Variants in JMJD7 observed in about 807,000 individuals in gnomAD.
JMJD7 encodes the protein bifunctional peptidase and (3S)-lysyl hydroxylase JMJD7.
JMJD7 carries 41 observed loss-of-function variants against 41.1 expected under a neutral mutation model. That is an observed-to-expected ratio of 1.00 (90% CI 0.78 to 1.30). The LOEUF (loss-of-function observed/expected upper bound fraction) is 1.30, where lower values mean the gene tolerates loss of function less well. Among genes scored for constraint, JMJD7 ranks in the 50% most tolerant of loss-of-function variants. The probability of loss-of-function intolerance (pLI) is 0.00; values close to 1 mark genes in which losing one functional copy is unlikely to be tolerated. For synonymous variants in JMJD7, 202 were observed against 177.2 expected (o/e 1.14, Z -1.11); for missense variants, 480 against 420.7 (o/e 1.14, Z -1.23).
Position 41,837,550 on chromosome 15 carries a change from C to A in JMJD7, c.*394C>A. 1 of 209,944 alleles carries A rather than the reference C, an allele frequency of 4.8e-6. No individual in the cohort carries two copies. The highest frequency in any genetic ancestry group is 9.4e-6 in the Non-Finnish European group (1 of 106,522). 13.0% of individuals were successfully genotyped at this position (209,944 alleles called of 1,614,324 possible). The stretch of plus-strand genomic sequence containing the variant: ...TATGAGGACCAGCATGGAGCTGGCA[C>A]ACAGGACATGTTGAATAAAAGGTAG... On this transcript the variant is annotated 3_prime_UTR_variant, in exon 8 of 8. Transcript: ENST00000397299.
Position 41,837,111 on chromosome 15 carries a change from C to T in JMJD7, c.906C>T (p.Tyr302=). The change falls in exon 8 of 8, where the codon TAC becomes TAT. Residue 302 remains tyrosine, a synonymous_variant. Transcript: ENST00000397299. ...YDMEYDLKYS[Y]FQLLDSLTKA... ...TGGAATACGACCTCAAGTATAGTTA[C>T]TTCCAGCTGCTCGACTCCCTCACCA... The T allele has an allele frequency of 1.2e-6, 2 of 1,613,708 alleles. No individual in the cohort carries two copies. Among genetic ancestry groups the T allele is most frequent in the Non-Finnish European group, 8.5e-7 (1 of 1,179,760 alleles).
intron 1 of JMJD7, chr15:41,829,354 C>T (rs1380137658): frequency 6.6e-6 from 1 of 152,278 alleles, no homozygotes; most frequent in East Asian, 1.9e-4. Context: ...CTCTGTCACA[C>T]AGGCTGGAGT....
chr15:41,829,737 A>T (rs1024078374), intron 1 of JMJD7, among the ~76,000 whole-genome samples: 5 of 152,248 alleles, frequency 3.3e-5, no homozygotes, highest in African/African-American at 4.8e-5. Context: ...CTAATTGCAG[A>T]AGTCCAAAGG....
intron 2 of JMJD7, 36 bp from the exon 3 acceptor site, chr15:41,834,933 TG>T: frequency 1.9e-6 from 3 of 1,613,508 alleles, no homozygotes; most frequent in Non-Finnish European, 1.7e-6. Context: ...CAGTGATTAC[TG>T]GCATCTGGGC....
At position 41,837,268 on chromosome 15, in the gene JMJD7, G is replaced by C. The variant is rs1272755884; in HGVS notation, c.*112G>C. 2 of 696,098 alleles carry C rather than the reference G, an allele frequency of 2.9e-6. No individual in the cohort carries two copies. The highest frequency in any genetic ancestry group is 4.9e-6 in the Non-Finnish European group (2 of 405,904). The allele number at this position is 696,098 out of a possible 1,614,324, so 43.1% of individuals were successfully genotyped here. A position where few individuals can be genotyped will look rare whatever the true frequency, so the allele number is the denominator to read the frequency against. ...GTGTGCATGCTGGCTGCTGGCCCCG[G>C]GTCCAGCATGGCTTGAGATCAGCTT... On this transcript the variant is annotated 3_prime_UTR_variant, in exon 8 of 8. Coordinates refer to ENST00000397299, the MANE Select transcript of JMJD7 (RefSeq NM_001114632.2).
intron 1 of JMJD7, 134 bp downstream of exon 1, chr15:41,828,322 A>G (rs1003631964): frequency 4.5e-5 from 49 of 1,097,776 alleles, no homozygotes; most frequent in Non-Finnish European, 5.5e-5. Flanking sequence ...TTCTGTGGCA[A>G]CCTGCTTCCC....
At position 41,834,861 on chromosome 15, in the gene JMJD7, G is replaced by T. The variant is rs35263165; in HGVS notation, c.186G>T (p.Pro62=). ...TCCGCAACGCTCTGCAGCACTGGCC[G>T]GCCCTCCAGAAGTGGTCCCTCCCCT... ...CIIRNALQHW[P]ALQKWSLPYF... Residue 62 remains proline, a synonymous_variant, in exon 2 of 8, where the codon CCG becomes CCT. Coordinates refer to ENST00000397299, the MANE Select transcript of JMJD7 (RefSeq NM_001114632.2). The T allele has an allele frequency of 1.2e-6, 2 of 1,614,176 alleles. No homozygotes were observed. Among genetic ancestry groups the T allele is most frequent in the African/African-American group, 1.3e-5 (1 of 75,056 alleles).
rs2065293629 is a variant in JMJD7, at chr15:41,835,227, A to C, written c.472+4A>C. ...CCCTGGGCCTCCGAAGCCCTGGGTGAGTGGAGGTGGGGTGGTCGTGGCCCT... is the reference window on the plus strand; with the variant it reads ...CCCTGGGCCTCCGAAGCCCTGGGTGCGTGGAGGTGGGGTGGTCGTGGCCCT... On this transcript the variant is annotated splice_donor_region_variant and intron_variant, in intron 3 of 7. Transcript: ENST00000397299. 5 of 1,596,654 alleles carry C rather than the reference A, an allele frequency of 3.1e-6. No homozygotes were observed. The East Asian group carries it at 1.1e-4, about 36-fold the overall frequency.
Position 41,830,170 on chromosome 15 carries a change from C to T in JMJD7, c.64+1982C>T, listed in dbSNP as rs1005581291. On this transcript the variant is annotated intron_variant, in intron 1 of 7. Transcript: ENST00000397299. The stretch of plus-strand genomic sequence containing the variant: ...CCTGCTCCTCAGCCCAGACCCTCTG[C>T]TGCAGCCTGAACCTCGCTCCCTGCC... 1.2e-4 allele frequency among the ~76,000 whole-genome samples: 19 copies of T among 152,308 alleles called. No homozygotes were observed. The South Asian group carries it at 1.9e-3, about 15-fold the overall frequency.
At position 41,835,100 on chromosome 15, in the gene JMJD7, G is replaced by A. The variant is rs755078404; in HGVS notation, c.349G>A (p.Glu117Lys). ...LPLSFVLDVL[E>K]GRAQHPGVLY... Reference sequence around the variant, plus strand: ...CCTGAGCTTCGTGCTGGATGTGCTGGAGGGCCGGGCCCAGCACCCTGGAGT... The same window carrying A: ...CCTGAGCTTCGTGCTGGATGTGCTGAAGGGCCGGGCCCAGCACCCTGGAGT... The change falls in exon 3 of 8, where the codon GAG (glutamate) becomes AAG (lysine). Residue 117 changes from glutamate to lysine, a missense_variant. Glu to Lys is a moderately conservative substitution (Grantham distance 56). Coordinates refer to ENST00000397299, the MANE Select transcript of JMJD7 (RefSeq NM_001114632.2). The A allele has an allele frequency of 6.2e-7, 1 of 1,613,206 alleles. No homozygotes were observed. Among genetic ancestry groups the A allele is most frequent in the Non-Finnish European group, 8.5e-7 (1 of 1,180,038 alleles).
chr15:41,836,385 C>T, intron 5 of JMJD7, 90 bp from the exon 6 acceptor site: 1 of 1,555,056 alleles, frequency 6.4e-7, no homozygotes, highest in Non-Finnish European at 8.7e-7. Flanking sequence ...GATCCCCTTG[C>T]CCCTGCCCAG....
chr15:41,829,537 C>T (rs754394145), intron 1 of JMJD7, among the ~76,000 whole-genome samples: 2 of 152,208 alleles, frequency 1.3e-5, no homozygotes, highest in Admixed American at 1.3e-4. Context: ...AATCCTTCCA[C>T]CTCAGCATTC....
chr15:41,835,645 G>A lies in JMJD7; in HGVS notation c.529+1G>A, dbSNP rs1050452642. ...GGGGAGGCGGCTGCAGTGACTTCTT[G>A]TAGGTGTAAGGGGAATACAAAGGTG... On this transcript the variant is annotated splice_donor_variant, in intron 4 of 7. Coordinates refer to ENST00000397299, the MANE Select transcript of JMJD7 (RefSeq NM_001114632.2). LOFTEE classifies it high-confidence loss of function. The A allele has an allele frequency of 5.6e-6, 9 of 1,613,342 alleles. No individual in the cohort carries two copies. Among genetic ancestry groups the A allele is most frequent in the African/African-American group, 2.7e-5 (2 of 74,900 alleles).
In JMJD7 at chr15:41,836,823, C is replaced by T. The variant is rs371510124; in HGVS notation, c.745C>T (p.Arg249Trp). The change falls in exon 7 of 8, where the codon CGG (arginine) becomes TGG (tryptophan). Residue 249 changes from arginine (R) to tryptophan (W), a missense_variant. Physicochemically the swap from Arg to Trp is moderately radical, Grantham distance 101 (BLOSUM62 -3). Transcript: ENST00000397299. The stretch of plus-strand genomic sequence containing the variant: ...GGACCCCTTGGCGCCAGACCTAGCA[C>T]GGTACCCTAGTTACAGTCAGGCCCA... Reference protein sequence around the residue: ...PLDPLAPDLARYPSYSQAQAL... With the variant: ...PLDPLAPDLAWYPSYSQAQAL... The T allele has an allele frequency of 9.1e-4, 1,473 of 1,612,510 alleles. 26 individuals are homozygous for T. The South Asian group carries it at 0.014, about 16-fold the overall frequency.
intron 1 of JMJD7, among the ~76,000 whole-genome samples, chr15:41,828,886 C>A (rs765527899): frequency 6.6e-6 from 1 of 152,224 alleles, no homozygotes; most frequent in Non-Finnish European, 1.5e-5. Flanking sequence ...TCTTGGAGAT[C>A]ATTTCACATT....
Position 41,834,764 on chromosome 15 carries a change from C to T in JMJD7, c.89C>T (p.Pro30Leu). ...ARELCVPLAVPYLDKPPTPLH... is the reference protein window; with the variant it reads ...ARELCVPLAVLYLDKPPTPLH... ...GAGCTCTGCGTGCCTCTTGCTGTGC[C>T]CTACCTGGACAAACCCCCAACTCCG... The change falls in exon 2 of 8, where the codon CCC becomes CTC. Residue 30 changes from proline to leucine, a missense_variant. Physicochemically the swap from Pro to Leu is moderately conservative, Grantham distance 98. Coordinates refer to ENST00000397299, the MANE Select transcript of JMJD7 (RefSeq NM_001114632.2). 1 of 1,614,176 alleles carries T rather than the reference C, an allele frequency of 6.2e-7. No homozygotes were observed. Among genetic ancestry groups the T allele is most frequent in the African/African-American group, 1.3e-5 (1 of 75,048 alleles).
Position 41,836,778 on chromosome 15 carries a change from C to G in JMJD7, c.703-3C>G. The G allele has an allele frequency of 6.2e-7, 1 of 1,605,062 alleles. No homozygotes were observed. Among genetic ancestry groups the G allele is most frequent in the Non-Finnish European group, 8.5e-7 (1 of 1,176,252 alleles). On this transcript the variant is annotated splice_polypyrimidine_tract_variant and splice_region_variant and intron_variant, in intron 6 of 7. Transcript: ENST00000397299. ...TGCTCCCTGGCATCTGATGTGTTCC[C>G]AGGTGCCCTGGATCCCACTGGACCC...
At chr15:41,834,054 C>T (rs747375803) in intron 1 of JMJD7, among the ~76,000 whole-genome samples, 3 of 152,146 alleles carry the variant, frequency 2.0e-5, no homozygotes, top group Non-Finnish European at 2.9e-5. Context: ...CCTGCGCAGG[C>T]GGCACACCAC....
chr15:41,836,391 C>T (rs1266059745), intron 5 of JMJD7, 84 bp from the exon 6 acceptor site: 2 of 1,556,036 alleles, frequency 1.3e-6, no homozygotes, highest in Admixed American at 1.9e-5. Flanking sequence ...CTTGCCCCTG[C>T]CCAGGGCTGG....
Sources: allele counts gnomAD v4.1 joint callset (sites outside exome capture counted in the v4.1 genomes callset), GRCh38; gene constraint gnomAD v4.1.1; transcripts MANE v1.5; gene names NCBI Gene and HGNC (gene_info 2026-07-23, HGNC 2026-07-21).